Variants in P2RY6 observed in about 807,000 individuals in gnomAD.
P2RY6 encodes the protein pyrimidinergic receptor P2Y6, also known as P2Y purinoceptor 6.
A neutral mutation model predicts 16.3 loss-of-function variants in P2RY6; 19 were observed. The observed-to-expected ratio is 1.16, with a 90% CI of 0.81 to 1.71. The LOEUF is 1.71. Among genes scored for constraint, P2RY6 ranks in the 40% most tolerant of loss-of-function variants. The pLI is 0.00. For missense variants in P2RY6, 389 were observed against 455.5 expected (o/e 0.85, Z 1.33); for synonymous variants, 184 against 201.5 (o/e 0.91, Z 0.74).
At chr11:73,277,135 A>T (rs1454953045) in intron 1 of P2RY6, among the ~76,000 whole-genome samples, 3 of 149,458 alleles carry the variant, frequency 2.0e-5, no homozygotes, top group Admixed American at 6.6e-5. Flanking sequence ...TTTTTTTGAG[A>T]CACAGTTTCA....
rs542361416 is a variant in P2RY6, at chr11:73,297,400, C to A, written c.882C>A (p.Ser294Arg). 6.2e-7 allele frequency: 1 copy of A among 1,612,322 alleles called. No individual in the cohort carries two copies. The highest frequency in any genetic ancestry group is 8.5e-7 in the Non-Finnish European group (1 of 1,180,012). ...CGCGGCCGTTTGCCAGTGCCAACAGCGTGCTGGACCCCATCCTCTTCTACT... is the reference window on the plus strand; with the variant it reads ...CGCGGCCGTTTGCCAGTGCCAACAGAGTGCTGGACCCCATCCTCTTCTACT... ...KGTRPFASAN[S>R]VLDPILFYFT... Residue 294 changes from serine to arginine, a missense_variant, in exon 3 of 3, where the codon AGC (serine) becomes AGA (arginine). Physicochemically the swap from Ser to Arg is moderately radical, Grantham distance 110. Transcript: ENST00000540124.
In P2RY6 at chr11:73,296,984, A is replaced by AGCCCCTGG; in HGVS notation, c.466_467insGCCCCTGG (p.Thr156SerfsTer206). On this transcript the variant is annotated frameshift_variant, in exon 3 of 3. Transcript: ENST00000540124. LOFTEE classifies it high-confidence loss of function. ...GTGTGTAGCCGTGTGGCTGGCCGTGACAACCCAGTGCCTGCCCACAGCCAT... is the reference window on the plus strand; with the variant it reads ...GTGTGTAGCCGTGTGGCTGGCCGTGAGCCCCTGGCAACCCAGTGCCTGCCCACAGCCAT... The AGCCCCTGG allele has an allele frequency of 6.2e-7, 1 of 1,601,804 alleles. No individual in the cohort carries two copies.
At chr11:73,292,658 G>T (rs568147003) in intron 1 of P2RY6, 13 of 242,556 alleles carry the variant, frequency 5.4e-5, no homozygotes, top group Admixed American at 6.5e-5. Flanking sequence ...CGGGAAGGAC[G>T]CCTTTTTTCC....
upstream of P2RY6, among the ~76,000 whole-genome samples, chr11:73,267,508 G>A (rs929384975): frequency 2.0e-5 from 3 of 152,130 alleles, no homozygotes; most frequent in Non-Finnish European, 4.4e-5. Context: ...GCCATCAAAA[G>A]GAAGGAGAGA....
chr11:73,275,558 C>A (rs1363282010), intron 1 of P2RY6, among the ~76,000 whole-genome samples: 1 of 152,216 alleles, frequency 6.6e-6, no homozygotes. Context: ...AGAACCTGTC[C>A]TGCAGATTCA....
chr11:73,290,281 G>GGAAAGAAA (rs138315853), intron 1 of P2RY6, among the ~76,000 whole-genome samples: 5 of 131,152 alleles, frequency 3.8e-5, no homozygotes, highest in Non-Finnish European at 6.5e-5. Context: ...AAGAAAGGAA[G>GGAAAGAAA]GAAAGAAAGA....
chr11:73,272,939 C>T (rs1021981777), intron 1 of P2RY6, among the ~76,000 whole-genome samples: 3 of 152,100 alleles, frequency 2.0e-5, no homozygotes, highest in African/African-American at 4.8e-5. Flanking sequence ...GCCCTGCCCT[C>T]AGAGCTCCCC....
At chr11:73,291,118 A>G (rs1864226857) in intron 1 of P2RY6, among the ~76,000 whole-genome samples, 1 of 152,158 alleles carries the variant, frequency 6.6e-6, no homozygotes, top group Non-Finnish European at 1.5e-5. Context: ...GTGGGACCCC[A>G]TGAGCCTTTC....
intron 1 of P2RY6, among the ~76,000 whole-genome samples, chr11:73,275,690 G>A (rs1168783724): frequency 2.0e-5 from 3 of 152,214 alleles, no homozygotes; most frequent in African/African-American, 7.2e-5. Flanking sequence ...AGAGGCTAAT[G>A]TTTGGCACAG....
intron 1 of P2RY6, among the ~76,000 whole-genome samples, chr11:73,274,568 GA>G (rs1565162118): frequency 2.3e-4 from 35 of 151,176 alleles, no homozygotes; most frequent in African/African-American, 8.3e-4. Context: ...AAGAAAGAAA[GA>G]AAAGAAAAAG....
At chr11:73,287,663 C>T (rs1178333401) in intron 1 of P2RY6, among the ~76,000 whole-genome samples, 1 of 152,246 alleles carries the variant, frequency 6.6e-6, no homozygotes, top group Non-Finnish European at 1.5e-5. Flanking sequence ...GGCCATCAGC[C>T]AACTGCACTA....
upstream of P2RY6, among the ~76,000 whole-genome samples, chr11:73,267,661 G>T (rs747555171): frequency 2.0e-5 from 3 of 152,176 alleles, no homozygotes; most frequent in African/African-American, 4.8e-5. Context: ...GCATAGGCTG[G>T]GGGGTGGAGA....
At chr11:73,291,973 A>C (rs1026823694) in intron 1 of P2RY6, among the ~76,000 whole-genome samples, 1 of 152,080 alleles carries the variant, frequency 6.6e-6, no homozygotes, top group African/African-American at 2.4e-5. Context: ...ATCAAAGCCC[A>C]CCTCCTCCAG....
chr11:73,287,084 C>T (rs1030422275), intron 1 of P2RY6, among the ~76,000 whole-genome samples: 1 of 152,176 alleles, frequency 6.6e-6, no homozygotes, highest in African/African-American at 2.4e-5. Context: ...CAGCTGAAAC[C>T]AGGCACTCAA....
intron 1 of P2RY6, among the ~76,000 whole-genome samples, chr11:73,277,258 C>T (rs1863576035): frequency 1.3e-5 from 2 of 152,004 alleles, no homozygotes; most frequent in Admixed American, 1.3e-4. Context: ...GGATTACAGA[C>T]ATGCGCCACC....
At chr11:73,274,618 G>T (rs1034135063) in intron 1 of P2RY6, among the ~76,000 whole-genome samples, 7 of 152,096 alleles carry the variant, frequency 4.6e-5, no homozygotes, top group Admixed American at 3.9e-4. Context: ...TTCCTATTTT[G>T]CAGCAGAGGA....
chr11:73,288,896 G>A (rs957686069), intron 1 of P2RY6, among the ~76,000 whole-genome samples: 10 of 152,330 alleles, frequency 6.6e-5, no homozygotes, highest in Middle Eastern at 3.4e-3. Context: ...CTAACTCACC[G>A]GCCAGGGGCC....
chr11:73,265,743 C>T (rs539468393), intron 1 of P2RY6, among the ~76,000 whole-genome samples: 1 of 152,254 alleles, frequency 6.6e-6, no homozygotes, highest in East Asian at 1.9e-4. Context: ...AGGGGGTTCC[C>T]CTAGCAGGCT....
At chr11:73,278,107 G>T (rs1178017053) in intron 1 of P2RY6, among the ~76,000 whole-genome samples, 1 of 152,040 alleles carries the variant, frequency 6.6e-6, no homozygotes, top group African/African-American at 2.4e-5. Flanking sequence ...GCACATTGTT[G>T]TGCAGCCATC....
Sources: allele counts gnomAD v4.1 joint callset (sites outside exome capture counted in the v4.1 genomes callset), GRCh38; gene constraint gnomAD v4.1.1; transcripts MANE v1.5; gene names NCBI Gene and HGNC (gene_info 2026-07-23, HGNC 2026-07-21).